VTI1A: variants seen among roughly 807,000 people sequenced by gnomAD.
VTI1A encodes the protein vesicle transport through interaction with t-SNAREs 1A.
VTI1A carries 22 observed loss-of-function variants against 34.9 expected under a neutral mutation model. The ratio of observed to expected loss-of-function variants is 0.63; its 90% CI spans 0.45 to 0.90. The LOEUF is 0.90. Among genes scored for constraint, VTI1A ranks in the 40% least tolerant of loss-of-function variants. The pLI, the probability that VTI1A is intolerant of heterozygous loss-of-function variation, is 0.00. For missense variants in VTI1A, 268 were observed against 275.6 expected (o/e 0.97, Z 0.20); for synonymous variants, 87 against 97.3 (o/e 0.89, Z 0.62).
At chr10:112,579,156 A>T (rs1035780015) in intron 5 of VTI1A, among the ~76,000 whole-genome samples, 22 of 152,234 alleles carry the variant, frequency 1.4e-4, no homozygotes, top group Admixed American at 1.4e-3. Flanking sequence ...CATCAGGTGC[A>T]GAGGACATTG....
intron 7 of VTI1A, among the ~76,000 whole-genome samples, chr10:112,798,480 G>A (rs1438764639): frequency 1.3e-5 from 2 of 152,156 alleles, no homozygotes; most frequent in Non-Finnish European, 2.9e-5. Flanking sequence ...GAATGACAGA[G>A]TGAAAGGTCG....
At chr10:112,727,279 T>C (rs1850065220) in intron 7 of VTI1A, among the ~76,000 whole-genome samples, 1 of 152,218 alleles carries the variant, frequency 6.6e-6, no homozygotes, top group Non-Finnish European at 1.5e-5. Flanking sequence ...TGTTTTAGCC[T>C]GTCTTTCTCC....
intron 5 of VTI1A, among the ~76,000 whole-genome samples, chr10:112,617,019 CA>C (rs1378966083): frequency 2.0e-5 from 3 of 151,824 alleles, no homozygotes; most frequent in Admixed American, 1.3e-4. Context: ...CCAAGTCTGC[CA>C]AAAGACATAA....
chr10:112,581,178 A>G, intron 5 of VTI1A, among the ~76,000 whole-genome samples: 1 of 152,166 alleles, frequency 6.6e-6, no homozygotes, highest in Non-Finnish European at 1.5e-5. Context: ...CCAGGTATGA[A>G]TTCACTTGGT....
chr10:112,674,004 A>G (rs1197187270), intron 7 of VTI1A, among the ~76,000 whole-genome samples: 1 of 152,188 alleles, frequency 6.6e-6, no homozygotes, highest in Non-Finnish European at 1.5e-5. Flanking sequence ...TCTTACTACA[A>G]TGTCTGAAAA....
intron 5 of VTI1A, among the ~76,000 whole-genome samples, chr10:112,583,894 G>C (rs1278673002): frequency 2.0e-5 from 3 of 152,200 alleles, no homozygotes; most frequent in Non-Finnish European, 4.4e-5. Flanking sequence ...GACGAGTTAC[G>C]TTGGTGCACA....
At chr10:112,641,901 A>C (rs953293859) in intron 5 of VTI1A, among the ~76,000 whole-genome samples, 1 of 152,156 alleles carries the variant, frequency 6.6e-6, no homozygotes, top group Non-Finnish European at 1.5e-5. Context: ...AGAAAGAGGA[A>C]CTGTTGGGCT....
chr10:112,520,243 G>C (rs1256908916), intron 3 of VTI1A, among the ~76,000 whole-genome samples: 1 of 151,896 alleles, frequency 6.6e-6, no homozygotes, highest in African/African-American at 2.4e-5. Context: ...ATTCTATCAT[G>C]AGCTGATTTT....
At chr10:112,467,258 G>A (rs1459267031) in intron 3 of VTI1A, among the ~76,000 whole-genome samples, 1 of 151,600 alleles carries the variant, frequency 6.6e-6, no homozygotes, top group Admixed American at 6.6e-5. Flanking sequence ...AGTCCTTTAG[G>A]TATTTGGAAA....
chr10:112,850,639 A>T, the VTI1A span, among the ~76,000 whole-genome samples: 1 of 152,168 alleles, frequency 6.6e-6, no homozygotes, highest in East Asian at 1.9e-4. Context: ...CTTGGAACTT[A>T]ATTTTATTTC....
intron 7 of VTI1A, among the ~76,000 whole-genome samples, chr10:112,814,672 C>T (rs1056974066): frequency 1.2e-4 from 19 of 152,264 alleles, no homozygotes; most frequent in African/African-American, 4.6e-4. Flanking sequence ...TTGTATATTT[C>T]TCATTTCCAT....
chr10:112,667,753 A>G (rs1847697057), intron 5 of VTI1A, among the ~76,000 whole-genome samples: 1 of 152,188 alleles, frequency 6.6e-6, no homozygotes, highest in Non-Finnish European at 1.5e-5. Flanking sequence ...TGAGCATATG[A>G]GGATTACTTA....
chr10:112,494,237 CATA>C (rs1848934146), intron 3 of VTI1A, among the ~76,000 whole-genome samples: 2 of 152,064 alleles, frequency 1.3e-5, no homozygotes, highest in Non-Finnish European at 2.9e-5. Context: ...ATAAATTCTT[CATA>C]ATATTTGTTT....
chr10:112,835,114 TC>T, the VTI1A span, among the ~76,000 whole-genome samples: 1 of 152,092 alleles, frequency 6.6e-6, no homozygotes, highest in Non-Finnish European at 1.5e-5. Context: ...ATAAATCTCA[TC>T]TGGGGCTTGC....
chr10:112,760,755 G>A (rs937170032), intron 7 of VTI1A, among the ~76,000 whole-genome samples: 1 of 152,102 alleles, frequency 6.6e-6, no homozygotes, highest in African/African-American at 2.4e-5. Context: ...TGGGCATGGT[G>A]GTGTGCGCCT....
chr10:112,667,910 A>G (rs1242087951), intron 5 of VTI1A, among the ~76,000 whole-genome samples: 2 of 152,164 alleles, frequency 1.3e-5, no homozygotes, highest in East Asian at 3.8e-4. Flanking sequence ...GACAAAATAG[A>G]CTAATGGACC....
chr10:112,781,567 G>A (rs1028605908), intron 7 of VTI1A, among the ~76,000 whole-genome samples: 5 of 152,002 alleles, frequency 3.3e-5, no homozygotes, highest in South Asian at 2.1e-4. Flanking sequence ...CTGGCCAGGA[G>A]CGGTGGCTCA....
chr10:112,725,561 G>A (rs1849991314), intron 7 of VTI1A, among the ~76,000 whole-genome samples: 1 of 152,160 alleles, frequency 6.6e-6, no homozygotes, highest in African/African-American at 2.4e-5. Context: ...AACCACTGAT[G>A]ATCACTGCCA....
intron 2 of VTI1A, among the ~76,000 whole-genome samples, chr10:112,462,651 A>G (rs915582279): frequency 6.6e-6 from 1 of 152,192 alleles, no homozygotes; most frequent in Non-Finnish European, 1.5e-5. Flanking sequence ...AATCAAGGCT[A>G]ATTAAAATTA....
Sources: allele counts gnomAD v4.1 joint callset (sites outside exome capture counted in the v4.1 genomes callset), GRCh38; gene constraint gnomAD v4.1.1; transcripts MANE v1.5; gene names NCBI Gene and HGNC (gene_info 2026-07-23, HGNC 2026-07-21).